Variants in ABLIM2 observed in about 807,000 individuals in gnomAD.
ABLIM2 encodes actin-binding LIM protein 2.
Under a neutral mutation model 97.7 loss-of-function variants are expected in ABLIM2, and 53 were observed. That is an observed-to-expected ratio of 0.54 (90% CI 0.44 to 0.68). The LOEUF (loss-of-function observed/expected upper bound fraction) is 0.68, where lower values mean the gene tolerates loss of function less well. Among genes scored for constraint, ABLIM2 ranks in the 30% least tolerant of loss-of-function variants. The pLI, the probability that ABLIM2 is intolerant of heterozygous loss-of-function variation, is 0.00. For missense variants in ABLIM2, 835 were observed against 867.2 expected (o/e 0.96, Z 0.47); for synonymous variants, 361 against 345.8 (o/e 1.04, Z -0.49).
rs896472307 is a variant in ABLIM2 at position 8,148,850 on chromosome 4, T to C, written c.10+9830A>G. On this transcript the variant is annotated intron_variant, in intron 1 of 20. Transcript: ENST00000447017. This position sits in a 1 kb window ranked among gnomAD's most constrained non-coding sequence, Gnocchi z 6.7. ...CCCCACCTCTCCATGAGACCACCCCTATCTCCTCCCAGAGCTGCTGATGTA... is the reference window on the plus strand; with the variant it reads ...CCCCACCTCTCCATGAGACCACCCCCATCTCCTCCCAGAGCTGCTGATGTA... 1.3e-5 allele frequency among the ~76,000 whole-genome samples: 2 copies of C among 152,124 alleles called. No homozygotes were observed. The highest frequency in any genetic ancestry group is 2.9e-5 in the Non-Finnish European group (2 of 68,012).
rs1274129371 is a variant in ABLIM2, at chr4:8,082,152, G to A, written c.455-1350C>T. Among the ~76,000 whole-genome samples, 1 of 152,082 alleles carries A rather than the reference G, an allele frequency of 6.6e-6. No individual in the cohort carries two copies. Among genetic ancestry groups the A allele is most frequent in the Non-Finnish European group, 1.5e-5 (1 of 68,002 alleles). The stretch of plus-strand genomic sequence containing the variant: ...ACAAACAGGGCCTTGCCGCCTGCAG[G>A]AGCCCCTGAGTAATTCACAGACCAA... On this transcript the variant is annotated intron_variant, in intron 4 of 20. Coordinates refer to ENST00000447017, the MANE Select transcript of ABLIM2 (RefSeq NM_001130083.2). This position sits in a 1 kb window ranked among gnomAD's most constrained non-coding sequence, Gnocchi z 5.6.
In ABLIM2 at chr4:8,033,732, G is replaced by T. The variant is rs1579250534; in HGVS notation, c.1047+2417C>A. ...GGTCCTGGGGTCAGGATCATCCATG[G>T]TTCACAGATGTCCTGCCATTTGAGA... On this transcript the variant is annotated intron_variant, in intron 10 of 20. Transcript: ENST00000447017. The surrounding 1 kb of genome is among the most constrained non-coding windows in gnomAD (Gnocchi z 4.5). Among the ~76,000 whole-genome samples, 2 of 152,210 alleles carry T rather than the reference G, an allele frequency of 1.3e-5. No homozygotes were observed. Among genetic ancestry groups the T allele is most frequent in the South Asian group, 4.1e-4 (2 of 4,828 alleles).
At chr4:8,045,290 G>T in intron 8 of ABLIM2, 49 bp from the exon 9 acceptor site, 1 of 1,501,870 alleles carries the variant, frequency 6.7e-7, no homozygotes, top group Non-Finnish European at 9.3e-7. Context: ...AACATTCGGG[G>T]CCTTCAGAGG....
At chr4:8,138,331 A>G (rs1404838030) in intron 1 of ABLIM2, among the ~76,000 whole-genome samples, 1 of 152,246 alleles carries the variant, frequency 6.6e-6, no homozygotes, top group Non-Finnish European at 1.5e-5. Flanking sequence ...TTTTAGGGTG[A>G]GTGTATTTAA....
chr4:8,004,236 C>T lies in ABLIM2; in HGVS notation c.1618+3823G>A, dbSNP rs865982874. On this transcript the variant is annotated intron_variant, in intron 16 of 20. Coordinates refer to ENST00000447017, the MANE Select transcript of ABLIM2 (RefSeq NM_001130083.2). The surrounding 1 kb of genome is among the most constrained non-coding windows in gnomAD (Gnocchi z 5.9). ...GCACCTCCCACCAGACATGGGACTC[C>T]GCCCGGTCCCACAGCGAGAGGACAC... Among the ~76,000 whole-genome samples the T allele has an allele frequency of 9.2e-5, 14 of 151,910 alleles. No homozygotes were observed. The highest frequency in any genetic ancestry group is 2.7e-4 in the African/African-American group (11 of 41,360).
chr4:7,985,516 G>A (rs574160955), intron 17 of ABLIM2, among the ~76,000 whole-genome samples: 1 of 152,252 alleles, frequency 6.6e-6, no homozygotes, highest in Admixed American at 6.5e-5. Context: ...GTGGCTGTGC[G>A]TGCGAGTCAA....
chr4:7,966,692 C>T lies in ABLIM2; in HGVS notation c.*298G>A. The T allele has an allele frequency of 2.8e-6, 1 of 363,094 alleles. No individual in the cohort carries two copies. The highest frequency in any genetic ancestry group is 5.0e-6 in the Non-Finnish European group (1 of 198,376). 22.5% of individuals were successfully genotyped at this position (363,094 alleles called of 1,614,324 possible). A position where few individuals can be genotyped will look rare whatever the true frequency, so the allele number is the denominator to read the frequency against. Reference sequence around the variant, plus strand: ...ACCTCGAGAACGCTGGGAAGGTGGGCTGGGCTGCAGCCACCTGTGTGCTCC... The same window carrying T: ...ACCTCGAGAACGCTGGGAAGGTGGGTTGGGCTGCAGCCACCTGTGTGCTCC... On this transcript the variant is annotated 3_prime_UTR_variant, in exon 21 of 21. Coordinates refer to ENST00000447017, the MANE Select transcript of ABLIM2 (RefSeq NM_001130083.2).
chr4:8,064,190 A>T lies in ABLIM2; in HGVS notation c.676-3136T>A, dbSNP rs577991442. 5.9e-5 allele frequency among the ~76,000 whole-genome samples: 9 copies of T among 152,372 alleles called. No individual in the cohort carries two copies. The East Asian group carries it at 1.5e-3, about 26-fold the overall frequency. ...CTGCAGAAATAAATTTGCCTTGCTG[A>T]GAAACCCTTTGTCCTTTGTCCAGTG... On this transcript the variant is annotated intron_variant, in intron 6 of 20. Transcript: ENST00000447017.
Position 8,124,318 on chromosome 4 carries a change from G to C in ABLIM2, c.11-17681C>G, listed in dbSNP as rs553153594. Among the ~76,000 whole-genome samples, 14 of 152,298 alleles carry C rather than the reference G, an allele frequency of 9.2e-5. No individual in the cohort carries two copies. Among genetic ancestry groups the C allele is most frequent in the African/African-American group, 2.9e-4 (12 of 41,562 alleles). The stretch of plus-strand genomic sequence containing the variant: ...TGCCTGTTTGGAATGCACACTCAAT[G>C]GCTTTTGGTATTTCACAGAGCTGCG... On this transcript the variant is annotated intron_variant, in intron 1 of 20. Coordinates refer to ENST00000447017, the MANE Select transcript of ABLIM2 (RefSeq NM_001130083.2). The surrounding 1 kb of genome is among the most constrained non-coding windows in gnomAD (Gnocchi z 6.1).
intron 1 of ABLIM2, among the ~76,000 whole-genome samples, chr4:8,142,487 A>C (rs547168536): frequency 1.1e-3 from 167 of 152,292 alleles, no homozygotes; most frequent in African/African-American, 3.8e-3. Context: ...CCCAGGAGTT[A>C]AAGAGCCACT....
rs375827321 is a variant in ABLIM2, at chr4:8,106,645, G to A, written c.11-8C>T. 498 of 1,601,144 alleles carry A rather than the reference G, an allele frequency of 3.1e-4. No homozygotes were observed. The highest frequency in any genetic ancestry group is 3.6e-4 in the Non-Finnish European group (419 of 1,173,696). ...CAGCCTGGGGCTGCGACACTGTTGG[G>A]AAAGAGAGAAGAGCAGCGTTCAAGG... On this transcript the variant is annotated splice_polypyrimidine_tract_variant and splice_region_variant and intron_variant, in intron 1 of 20. Coordinates refer to ENST00000447017, the MANE Select transcript of ABLIM2 (RefSeq NM_001130083.2).
At chr4:8,102,929 A>G (rs980245002) in intron 2 of ABLIM2, among the ~76,000 whole-genome samples, 11 of 152,336 alleles carry the variant, frequency 7.2e-5, no homozygotes, top group African/African-American at 2.6e-4. Flanking sequence ...TGGGGACTTC[A>G]GGAAAGGGTT....
At chr4:7,978,212 G>T (rs951080773) in intron 20 of ABLIM2, among the ~76,000 whole-genome samples, 2 of 152,152 alleles carry the variant, frequency 1.3e-5, no homozygotes, top group Non-Finnish European at 2.9e-5. Context: ...TCAGCCCGAG[G>T]CAGACAGGCA....
chr4:8,017,508 G>A (rs556010156), intron 14 of ABLIM2, among the ~76,000 whole-genome samples: 7 of 151,872 alleles, frequency 4.6e-5, no homozygotes, highest in South Asian at 2.1e-4. Flanking sequence ...GGCTGGTCTC[G>A]AACTCCTGAG....
rs974136128 is a variant in ABLIM2, at chr4:8,044,914, C to T, written c.900+250G>A. Reference sequence around the variant, plus strand: ...GCTGTGTACACACCACTGTGTGGCTCTTGTCACCAGATAATTGGGGACAGG... The same window carrying T: ...GCTGTGTACACACCACTGTGTGGCTTTTGTCACCAGATAATTGGGGACAGG... On this transcript the variant is annotated intron_variant, in intron 9 of 20. Coordinates refer to ENST00000447017, the MANE Select transcript of ABLIM2 (RefSeq NM_001130083.2). This position sits in a 1 kb window ranked among gnomAD's most constrained non-coding sequence, Gnocchi z 4.4. Among the ~76,000 whole-genome samples the T allele has an allele frequency of 1.2e-4, 19 of 152,198 alleles. No individual in the cohort carries two copies. The highest frequency in any genetic ancestry group is 4.1e-4 in the African/African-American group (17 of 41,440).
At chr4:7,974,382 C>CCCAT (rs1560336900) in intron 20 of ABLIM2, among the ~76,000 whole-genome samples, 2 of 107,388 alleles carry the variant, frequency 1.9e-5, no homozygotes, top group Non-Finnish European at 4.5e-5. Flanking sequence ...CATCCATCCA[C>CCCAT]CCATCCACCC....
Position 8,128,121 on chromosome 4 carries a change from G to A in ABLIM2, c.11-21484C>T, listed in dbSNP as rs1184420882. Among the ~76,000 whole-genome samples, 2 of 152,190 alleles carry A rather than the reference G, an allele frequency of 1.3e-5. No individual in the cohort carries two copies. Among genetic ancestry groups the A allele is most frequent in the Non-Finnish European group, 2.9e-5 (2 of 68,028 alleles). On this transcript the variant is annotated intron_variant, in intron 1 of 20. Coordinates refer to ENST00000447017, the MANE Select transcript of ABLIM2 (RefSeq NM_001130083.2). The surrounding 1 kb of genome is among the most constrained non-coding windows in gnomAD (Gnocchi z 4.9). Reference sequence around the variant, plus strand: ...CTCTTCCCGCTGCTGGTGGCTCCAGGCGCCCTTTGGTATGTGGCTTCAGGG... The same window carrying A: ...CTCTTCCCGCTGCTGGTGGCTCCAGACGCCCTTTGGTATGTGGCTTCAGGG...
chr4:8,030,363 G>T (rs1298685138), intron 10 of ABLIM2, among the ~76,000 whole-genome samples: 1 of 152,202 alleles, frequency 6.6e-6, no homozygotes, highest in East Asian at 1.9e-4. Context: ...TGGCACCATG[G>T]CACGGGGGAG....
At chr4:7,967,620 G>A (rs561258837) in intron 20 of ABLIM2, among the ~76,000 whole-genome samples, 10 of 152,206 alleles carry the variant, frequency 6.6e-5, no homozygotes, top group Admixed American at 1.3e-4. Context: ...TCCCTCCACC[G>A]GAAGCCCCTG....
Sources: allele counts gnomAD v4.1 joint callset (sites outside exome capture counted in the v4.1 genomes callset), GRCh38; gene constraint gnomAD v4.1.1; non-coding constraint Gnocchi (gnomAD v3.1); transcripts MANE v1.5; gene names NCBI Gene and HGNC (gene_info 2026-07-23, HGNC 2026-07-21).